Variants in PHTF2 observed in about 807,000 individuals in gnomAD.
The protein encoded by PHTF2 is putative homeodomain transcription factor 2, also known as protein PHTF2.
PHTF2 carries 60 observed loss-of-function variants against 101.2 expected under a neutral mutation model. The observed-to-expected ratio is 0.59, with a 90% CI of 0.48 to 0.73. The LOEUF (loss-of-function observed/expected upper bound fraction) is 0.73, where lower values mean the gene tolerates loss of function less well. Among genes scored for constraint, PHTF2 ranks in the 30% least tolerant of loss-of-function variants. PHTF2 has a pLI of 0.00. For synonymous variants in PHTF2, 311 were observed against 307.3 expected (o/e 1.01, Z -0.13); for missense variants, 747 against 908.7 (o/e 0.82, Z 2.29).
intron 1 of PHTF2, among the ~76,000 whole-genome samples, chr7:77,827,166 A>T (rs1231036242): frequency 6.6e-6 from 1 of 152,158 alleles, no homozygotes; most frequent in Non-Finnish European, 1.5e-5. Context: ...TTTATTAAAG[A>T]ATGATTTTTG....
chr7:77,924,418 G>A (rs1393578266), intron 11 of PHTF2, among the ~76,000 whole-genome samples: 1 of 152,124 alleles, frequency 6.6e-6, no homozygotes, highest in East Asian at 1.9e-4. Context: ...AGAAGTGGCT[G>A]ATTCCTGATT....
chr7:77,845,652 C>CGT (rs143066457), intron 2 of PHTF2, among the ~76,000 whole-genome samples: 3 of 151,916 alleles, frequency 2.0e-5, no homozygotes, highest in Admixed American at 6.6e-5. Flanking sequence ...GGCATGCACA[C>CGT]GTGTGTGTGT....
At chr7:77,904,280 G>A (rs955588916) in intron 7 of PHTF2, among the ~76,000 whole-genome samples, 1 of 152,098 alleles carries the variant, frequency 6.6e-6, no homozygotes, top group Non-Finnish European at 1.5e-5. Context: ...CTCCCTTTGC[G>A]TGGGGTAGCC....
rs758095706 is a variant in PHTF2, at chr7:77,894,022, A to C, written c.216+29A>C. On this transcript the variant is annotated intron_variant, in intron 5 of 19. Coordinates refer to ENST00000416283, the Ensembl canonical transcript of PHTF2. ...AGTGTTTCAGGATTTTTCCCGCCTG[A>C]GTGATCCTGTGCAAATGCTGGTCTG... 2.6e-6 allele frequency: 4 copies of C among 1,541,754 alleles called. No homozygotes were observed. The East Asian group carries it at 6.7e-5, about 26-fold the overall frequency.
At chr7:77,828,218 A>G in intron 1 of PHTF2, among the ~76,000 whole-genome samples, 1 of 152,210 alleles carries the variant, frequency 6.6e-6, no homozygotes. Context: ...AACCATTTAA[A>G]TGGATCATAT....
chr7:77,808,480 T>G (rs979558540), intron 1 of PHTF2, among the ~76,000 whole-genome samples: 1 of 152,246 alleles, frequency 6.6e-6, no homozygotes, highest in East Asian at 1.9e-4. Context: ...TGCTAATTTT[T>G]GTTTGAATGC....
intron 15 of PHTF2, among the ~76,000 whole-genome samples, chr7:77,942,320 T>C (rs762237410): frequency 2.0e-5 from 3 of 152,222 alleles, no homozygotes; most frequent in Admixed American, 6.5e-5. Context: ...CCCCTCCTAG[T>C]TCCTGTGAAG....
At chr7:77,950,310 C>A (rs1327329372) in intron 17 of PHTF2, among the ~76,000 whole-genome samples, 2 of 151,998 alleles carry the variant, frequency 1.3e-5, no homozygotes, top group African/African-American at 2.4e-5. Flanking sequence ...ATCAATAAAC[C>A]TGTCAAATGA....
intron 3 of PHTF2, among the ~76,000 whole-genome samples, chr7:77,860,368 G>A (rs1797537805): frequency 6.6e-6 from 1 of 152,192 alleles, no homozygotes; most frequent in African/African-American, 2.4e-5. Flanking sequence ...GAGGCTACAG[G>A]ATTTTGTATT....
intron 19 of PHTF2, among the ~76,000 whole-genome samples, chr7:77,954,612 G>GTGTGTATATGTATATATA (rs1426693429): frequency 1.1e-5 from 1 of 90,194 alleles, no homozygotes; most frequent in Non-Finnish European, 2.1e-5. Context: ...CAAGTACTGT[G>GTGTGTATATGTATATATA]TATATATATA....
At chr7:77,867,036 G>A (rs1223479651) in intron 3 of PHTF2, among the ~76,000 whole-genome samples, 2 of 152,188 alleles carry the variant, frequency 1.3e-5, no homozygotes, top group Non-Finnish European at 2.9e-5. Flanking sequence ...TTGCATGTCT[G>A]TTCCTGTTGT....
chr7:77,834,312 C>CA (rs34947684), intron 1 of PHTF2, among the ~76,000 whole-genome samples: 16,635 of 87,692 alleles, frequency 0.19, 1,478 homozygotes, highest in African/African-American at 0.27. Flanking sequence ...GACCTTGTCT[C>CA]AAAAAAAAAA....
At chr7:77,870,304 A>G (rs1369362880) in intron 3 of PHTF2, among the ~76,000 whole-genome samples, 2 of 150,108 alleles carry the variant, frequency 1.3e-5, no homozygotes, top group Admixed American at 1.3e-4. Flanking sequence ...GAACTAATGG[A>G]AAAAAATTAT....
chr7:77,800,612 G>T (rs966009185), intron 1 of PHTF2, among the ~76,000 whole-genome samples: 1 of 152,142 alleles, frequency 6.6e-6, no homozygotes, highest in Non-Finnish European at 1.5e-5. Flanking sequence ...AATGAAGAAG[G>T]TGGCCCACCC....
intron 3 of PHTF2, among the ~76,000 whole-genome samples, chr7:77,857,515 G>A (rs939525058): frequency 2.0e-5 from 3 of 152,126 alleles, no homozygotes; most frequent in Admixed American, 6.5e-5. Context: ...ATACAAACAC[G>A]TATTAATTTT....
intron 19 of PHTF2, among the ~76,000 whole-genome samples, chr7:77,954,633 T>TAG (rs1366778519): frequency 6.9e-6 from 1 of 145,354 alleles, no homozygotes. Flanking sequence ...TATATATATA[T>TAG]ATATATATAT....
chr7:77,832,194 T>C (rs1254036218), intron 1 of PHTF2, among the ~76,000 whole-genome samples: 1 of 152,168 alleles, frequency 6.6e-6, no homozygotes, highest in Admixed American at 6.5e-5. Context: ...AGTCAGTAGA[T>C]AAAGTGGCTG....
In PHTF2 at chr7:77,833,668, A is replaced by G. The variant is rs1795232197; in HGVS notation, c.-35-6553A>G. 3.9e-5 allele frequency among the ~76,000 whole-genome samples: 6 copies of G among 152,180 alleles called. No individual in the cohort carries two copies. The South Asian group carries it at 8.3e-4, about 21-fold the overall frequency. Reference sequence around the variant, plus strand: ...TTTGTGTGATATACTTCTCAGCAGGATGTGCATGAGGATATGTTATGTGCC... The same window carrying G: ...TTTGTGTGATATACTTCTCAGCAGGGTGTGCATGAGGATATGTTATGTGCC... On this transcript the variant is annotated intron_variant, in intron 1 of 19. Transcript: ENST00000416283.
At chr7:77,948,223 T>C (rs902702976) in intron 16 of PHTF2, among the ~76,000 whole-genome samples, 19 of 152,196 alleles carry the variant, frequency 1.2e-4, no homozygotes, top group African/African-American at 4.6e-4. Flanking sequence ...AGAAAGACTT[T>C]ATGATTTTTG....
Sources: gnomAD v4.1 joint callset for allele counts (sites outside exome capture counted in the v4.1 genomes callset) on GRCh38, gnomAD v4.1.1 for gene constraint, MANE v1.5 for transcripts, NCBI Gene and HGNC (gene_info 2026-07-23, HGNC 2026-07-21) for gene names.